Variants in PHF24 observed in about 807,000 individuals in gnomAD.
PHF24 encodes PHD finger protein 24.
PHF24 carries 25 observed loss-of-function variants against 42.6 expected under a neutral mutation model. The ratio of observed to expected loss-of-function variants is 0.59; its 90% CI spans 0.43 to 0.82. The LOEUF (loss-of-function observed/expected upper bound fraction) is 0.82, where lower values mean the gene tolerates loss of function less well. PHF24 is among the 40% of genes least tolerant of loss of function. The pLI is 0.00. For missense variants in PHF24, 470 were observed against 538.1 expected, an observed-to-expected ratio of 0.87 and a Z score of 1.25; for synonymous variants, 185 against 204.8, an observed-to-expected ratio of 0.90 and a Z score of 0.83.
At chr9:34,668,430 A>G in the PHF24 span, among the ~76,000 whole-genome samples, 2 of 152,220 alleles carry the variant, frequency 1.3e-5, no homozygotes, top group Non-Finnish European at 2.9e-5. Context: ...AGGCACACAC[A>G]TAGACTGCAA....
the PHF24 span, among the ~76,000 whole-genome samples, chr9:34,868,389 CT>C: frequency 6.6e-6 from 1 of 152,202 alleles, no homozygotes; most frequent in Non-Finnish European, 1.5e-5. Context: ...TCGTTTTCCT[CT>C]GTCCTGTTCT....
the PHF24 span, among the ~76,000 whole-genome samples, chr9:34,776,801 C>T: frequency 7.6e-5 from 8 of 104,968 alleles, no homozygotes; most frequent in African/African-American, 1.6e-4. Context: ...TTGATGTCTG[C>T]ACAATTGGGA....
chr9:34,767,651 G>A, the PHF24 span, among the ~76,000 whole-genome samples: 22 of 152,348 alleles, frequency 1.4e-4, no homozygotes, highest in East Asian at 1.9e-4. Flanking sequence ...GACCCCTTGC[G>A]CTTCCGGAGT....
At chr9:34,930,443 G>C in the PHF24 span, among the ~76,000 whole-genome samples, 1 of 152,200 alleles carries the variant, frequency 6.6e-6, no homozygotes, top group Admixed American at 6.5e-5. Context: ...CCAGAATCCT[G>C]TGGGCCTGGT....
At chr9:34,761,477 C>T in the PHF24 span, among the ~76,000 whole-genome samples, 4 of 152,196 alleles carry the variant, frequency 2.6e-5, no homozygotes, top group Non-Finnish European at 5.9e-5. Flanking sequence ...TGGATAAATA[C>T]CGTAGTGTCA....
chr9:34,815,227 C>A, the PHF24 span, among the ~76,000 whole-genome samples: 1 of 152,192 alleles, frequency 6.6e-6, no homozygotes. Flanking sequence ...AATTTCCTCC[C>A]AAAACTAAAG....
chr9:34,894,962 A>G, the PHF24 span: 1 of 398,224 alleles, frequency 2.5e-6, no homozygotes, highest in Non-Finnish European at 4.4e-6. Flanking sequence ...TGTTAGCAGC[A>G]GGGGTCATAG....
chr9:34,677,482 C>T, the PHF24 span, among the ~76,000 whole-genome samples: 154 of 148,236 alleles, frequency 1.0e-3, 3 homozygotes, highest in East Asian at 0.023. Context: ...CTGTAAGCTC[C>T]GCCTCCCGGG....
At chr9:34,701,324 T>C in the PHF24 span, among the ~76,000 whole-genome samples, 315 of 152,238 alleles carry the variant, frequency 2.1e-3, 1 homozygote, top group African/African-American at 7.4e-3. The surrounding 1 kb of genome is among the most constrained non-coding windows in gnomAD (Gnocchi z 5.8). Context: ...ATGGTTAGTG[T>C]ATGTCGCATG....
At chr9:34,916,987 A>G in the PHF24 span, among the ~76,000 whole-genome samples, 6 of 152,234 alleles carry the variant, frequency 3.9e-5, no homozygotes, top group Non-Finnish European at 8.8e-5. Context: ...ATTGAGTAAA[A>G]AACTTAGAAA....
At chr9:34,736,674 G>A in the PHF24 span, among the ~76,000 whole-genome samples, 1 of 152,166 alleles carries the variant, frequency 6.6e-6, no homozygotes, top group African/African-American at 2.4e-5. Flanking sequence ...ACTAACCAGG[G>A]TAAACATTTA....
At chr9:34,728,993 C>G in the PHF24 span, among the ~76,000 whole-genome samples, 1 of 152,070 alleles carries the variant, frequency 6.6e-6, no homozygotes, top group Non-Finnish European at 1.5e-5. Flanking sequence ...CAAAGCCCAC[C>G]AACCGGAAAA....
At chr9:34,912,682 A>G in the PHF24 span, among the ~76,000 whole-genome samples, 1 of 152,354 alleles carries the variant, frequency 6.6e-6, no homozygotes, top group Non-Finnish European at 1.5e-5. Context: ...ACAGAAAGTG[A>G]CAGAACTTTC....
At chr9:34,909,201 G>A in the PHF24 span, among the ~76,000 whole-genome samples, 7 of 152,052 alleles carry the variant, frequency 4.6e-5, no homozygotes, top group African/African-American at 1.7e-4. Flanking sequence ...GGCTGGCCTC[G>A]AACTCTCAGG....
chr9:34,854,172 A>G, the PHF24 span, among the ~76,000 whole-genome samples: 4 of 126,554 alleles, frequency 3.2e-5, no homozygotes, highest in Non-Finnish European at 6.7e-5. Flanking sequence ...TCTTTTCTTT[A>G]TTAGTCTAGC....
At chr9:34,927,370 G>C in the PHF24 span, among the ~76,000 whole-genome samples, 3 of 152,104 alleles carry the variant, frequency 2.0e-5, no homozygotes, top group African/African-American at 7.2e-5. Context: ...CCAGAACAGG[G>C]TGTGCTTCAG....
At chr9:34,718,057 G>A in the PHF24 span, among the ~76,000 whole-genome samples, 11 of 152,120 alleles carry the variant, frequency 7.2e-5, no homozygotes, top group Admixed American at 5.9e-4. Flanking sequence ...ACATACCCCA[G>A]CTGCTGGTAC....
At chr9:34,708,295 G>T in the PHF24 span, among the ~76,000 whole-genome samples, 17,068 of 151,998 alleles carry the variant, frequency 0.11, 2,026 homozygotes, top group African/African-American at 0.3. Context: ...GGCTAAAGTA[G>T]TCTGGATCCC....
the PHF24 span, among the ~76,000 whole-genome samples, chr9:34,945,461 AAG>A: frequency 3.9e-5 from 6 of 152,190 alleles, no homozygotes; most frequent in Non-Finnish European, 5.9e-5. Context: ...GACAGAAAGA[AAG>A]AAGGTTAGTG....
Sources: allele counts gnomAD v4.1 joint callset (sites outside exome capture counted in the v4.1 genomes callset), GRCh38; gene constraint gnomAD v4.1.1; non-coding constraint Gnocchi (gnomAD v3.1); transcripts MANE v1.5; gene names NCBI Gene and HGNC (gene_info 2026-07-23, HGNC 2026-07-21).